GPR149: variants seen among roughly 807,000 people sequenced by gnomAD.
The protein encoded by GPR149 is G protein-coupled receptor 149.
In GPR149, 50 loss-of-function variants were observed where a neutral mutation model predicts 50.2. The observed-to-expected ratio is 1.00, with a 90% CI of 0.79 to 1.26. GPR149 has a LOEUF of 1.26. Among genes scored for constraint, GPR149 ranks in the 50% most tolerant of loss-of-function variants. The probability of loss-of-function intolerance (pLI) is 0.00; values close to 1 mark genes in which losing one functional copy is unlikely to be tolerated. For synonymous variants in GPR149, 405 were observed against 358.2 expected (o/e 1.13, Z -1.48); for missense variants, 983 against 895.4 (o/e 1.10, Z -1.25).
At chr3:154,368,015 C>A (rs1714582005) in intron 3 of GPR149, among the ~76,000 whole-genome samples, 1 of 152,200 alleles carries the variant, frequency 6.6e-6, no homozygotes, top group African/African-American at 2.4e-5. Context: ...GTCTAACAAC[C>A]CCCGACCCTC....
intron 3 of GPR149, among the ~76,000 whole-genome samples, chr3:154,388,226 T>C (rs906363698): frequency 3.3e-5 from 5 of 152,162 alleles, no homozygotes; most frequent in African/African-American, 1.2e-4. Flanking sequence ...ACATTTACTG[T>C]TTTTTCATCT....
At chr3:154,356,719 G>A (rs1714236825) in intron 3 of GPR149, among the ~76,000 whole-genome samples, 1 of 152,042 alleles carries the variant, frequency 6.6e-6, no homozygotes, top group Non-Finnish European at 1.5e-5. Context: ...ATGCTCATGG[G>A]TAGGAAGAAT....
In GPR149 at chr3:154,429,091, G is replaced by T. The variant is rs199943929; in HGVS notation, c.525C>A (p.Phe175Leu). ...CCAGGCAGCCCCAGGGCGTGCGCAC[G>T]AAGGCGCCCCAGCCGCACAGCGGGA... ...SALPLCGWGA[F>L]VRTPWGCLVD... The change falls in exon 1 of 4, where the codon TTC (phenylalanine) becomes TTA (leucine). Residue 175 changes from phenylalanine (F) to leucine (L), a missense_variant. Coordinates refer to ENST00000389740, the MANE Select transcript of GPR149 (RefSeq NM_001038705.3). The T allele has an allele frequency of 3.9e-4, 623 of 1,613,718 alleles. No individual in the cohort carries two copies. Among genetic ancestry groups the T allele is most frequent in the Non-Finnish European group, 5.1e-4 (596 of 1,179,926 alleles).
At chr3:154,407,113 A>T (rs1711716290) in intron 3 of GPR149, among the ~76,000 whole-genome samples, 1 of 152,172 alleles carries the variant, frequency 6.6e-6, no homozygotes, top group Non-Finnish European at 1.5e-5. Flanking sequence ...AGGATCTCCC[A>T]CTGGGTCCCT....
chr3:154,383,140 T>C (rs762050979), intron 3 of GPR149, among the ~76,000 whole-genome samples: 25 of 152,176 alleles, frequency 1.6e-4, no homozygotes, highest in Non-Finnish European at 3.2e-4. Context: ...GGCTACTTAT[T>C]TATATCCTGC....
At chr3:154,351,313 C>CAAAAAAAAAAAAAAAAAAAAAAAAA (rs71155003) in intron 3 of GPR149, among the ~76,000 whole-genome samples, 1 of 75,528 alleles carries the variant, frequency 1.3e-5, no homozygotes, top group Non-Finnish European at 2.4e-5. Context: ...CATCCACATA[C>CAAAAAAAAAAAAAAAAAAAAAAAAA]AAAAAAAAAA....
chr3:154,349,824 T>C (rs1250256153), intron 3 of GPR149, among the ~76,000 whole-genome samples: 1 of 152,208 alleles, frequency 6.6e-6, no homozygotes, highest in Non-Finnish European at 1.5e-5. Flanking sequence ...TGAATATAGA[T>C]GCAAGCATCC....
chr3:154,397,029 C>T (rs1048975129), intron 3 of GPR149, among the ~76,000 whole-genome samples: 1 of 151,884 alleles, frequency 6.6e-6, no homozygotes. Flanking sequence ...GAGTCTTTCC[C>T]ACTGATTATT....
intron 2 of GPR149, among the ~76,000 whole-genome samples, chr3:154,424,408 A>G (rs977728688): frequency 3.3e-5 from 5 of 151,902 alleles, no homozygotes; most frequent in Non-Finnish European, 5.9e-5. Context: ...CCTTGACTCA[A>G]TGATGCTAGC....
At chr3:154,355,731 T>C (rs1714203600) in intron 3 of GPR149, among the ~76,000 whole-genome samples, 1 of 152,208 alleles carries the variant, frequency 6.6e-6, no homozygotes, top group African/African-American at 2.4e-5. Flanking sequence ...TATATCCTAA[T>C]GATAAGCACT....
At chr3:154,389,614 C>T (rs554235160) in intron 3 of GPR149, among the ~76,000 whole-genome samples, 123 of 152,170 alleles carry the variant, frequency 8.1e-4, no homozygotes, top group Non-Finnish European at 1.6e-3. Flanking sequence ...CAGCCCAGCT[C>T]AGCACAAGGG....
At chr3:154,416,637 T>C (rs1205457936) in intron 3 of GPR149, among the ~76,000 whole-genome samples, 1 of 151,936 alleles carries the variant, frequency 6.6e-6, no homozygotes, top group Non-Finnish European at 1.5e-5. Flanking sequence ...TAGAAAACTC[T>C]TTTTAGAGAG....
intron 3 of GPR149, among the ~76,000 whole-genome samples, chr3:154,390,757 G>A (rs1028854090): frequency 9.9e-5 from 15 of 152,076 alleles, no homozygotes; most frequent in African/African-American, 3.6e-4. Context: ...GAAATTCACA[G>A]TGAGACACAT....
rs1175398541 is a variant in GPR149, at chr3:154,407,693, T to TACACACACACACACACACACACAC, written c.1623+13322_1623+13345dup. ...TTCATGTGTGTATATGTCATGTGTA[T>TACACACACACACACACACACACAC]ACACACACACACACACACACACACA... On this transcript the variant is annotated intron_variant, in intron 3 of 3. Coordinates refer to ENST00000389740, the MANE Select transcript of GPR149 (RefSeq NM_001038705.3). 3.6e-3 allele frequency among the ~76,000 whole-genome samples: 497 copies of TACACACACACACACACACACACAC among 139,988 alleles called. 4 individuals carry two copies. The highest frequency in any genetic ancestry group is 0.019 in the East Asian group (93 of 4,786). The allele number at this position is 139,988 out of a possible 152,430, so 91.8% of individuals were successfully genotyped here.
chr3:154,357,285 G>A (rs1714260174), intron 3 of GPR149, among the ~76,000 whole-genome samples: 2 of 152,086 alleles, frequency 1.3e-5, no homozygotes, highest in Admixed American at 6.6e-5. Context: ...AGGACTTCAT[G>A]TCTAAAACAC....
intron 3 of GPR149, among the ~76,000 whole-genome samples, chr3:154,411,150 A>G (rs1284959553): frequency 6.6e-6 from 1 of 152,174 alleles, no homozygotes; most frequent in Admixed American, 6.6e-5. Flanking sequence ...CTGAATGATA[A>G]TAGTGACAAA....
chr3:154,424,152 G>C (rs990018883), intron 2 of GPR149, among the ~76,000 whole-genome samples: 32 of 151,834 alleles, frequency 2.1e-4, no homozygotes, highest in African/African-American at 7.7e-4. Flanking sequence ...TAAAATTTCG[G>C]TCCATAATTA....
rs1713650836 is a variant in GPR149 at position 154,336,086 on chromosome 3, A to G, written c.*1613T>C. 6.6e-6 allele frequency: 1 copy of G among 152,114 alleles called. No homozygotes were observed. The highest frequency in any genetic ancestry group is 6.5e-5 in the Admixed American group (1 of 15,268). 9.4% of individuals were successfully genotyped at this position (152,114 alleles called of 1,614,324 possible). On this transcript the variant is annotated 3_prime_UTR_variant, in exon 4 of 4. Coordinates refer to ENST00000389740, the MANE Select transcript of GPR149 (RefSeq NM_001038705.3). Reference sequence around the variant, plus strand: ...TCTTTTAAAATAAAATATATTTGTAACGAGAATACATTTGACTTTGAATTT... The same window carrying G: ...TCTTTTAAAATAAAATATATTTGTAGCGAGAATACATTTGACTTTGAATTT...
At chr3:154,353,144 C>G in intron 3 of GPR149, 1 of 1,507,648 alleles carries the variant, frequency 6.6e-7, no homozygotes, top group Non-Finnish European at 9.2e-7. Context: ...TCTTCCTGGT[C>G]TCACAGAAAA....
Sources: gnomAD v4.1 joint callset for allele counts (sites outside exome capture counted in the v4.1 genomes callset) on GRCh38, gnomAD v4.1.1 for gene constraint, MANE v1.5 for transcripts, NCBI Gene and HGNC (gene_info 2026-07-23, HGNC 2026-07-21) for gene names.